Variants in UTP6 observed in about 807,000 individuals in gnomAD.
UTP6 encodes the protein U3 small nucleolar RNA-associated protein 6 homolog.
In UTP6, 60 loss-of-function variants were observed where a neutral mutation model predicts 96.5. That is an observed-to-expected ratio of 0.62 (90% CI 0.51 to 0.77). The LOEUF is 0.77. UTP6 is among the 30% of genes least tolerant of loss of function. The pLI, the probability that UTP6 is intolerant of heterozygous loss-of-function variation, is 0.00. For synonymous variants in UTP6, 215 were observed against 240.1 expected (o/e 0.90, Z 0.96); for missense variants, 637 against 706.5 (o/e 0.90, Z 1.12).
At chr17:31,897,473 GT>G (rs1904723130) in intron 2 of UTP6, among the ~76,000 whole-genome samples, 1 of 131,556 alleles carries the variant, frequency 7.6e-6, no homozygotes, top group Non-Finnish European at 1.6e-5. Context: ...TTGAGATGGA[GT>G]TTCGCTCTTG....
chr17:31,869,792 G>C (rs557087194), intron 16 of UTP6, among the ~76,000 whole-genome samples: 1 of 152,302 alleles, frequency 6.6e-6, no homozygotes, highest in South Asian at 2.1e-4. Flanking sequence ...CACAGTAATC[G>C]ATAGGTAGCT....
intron 2 of UTP6, among the ~76,000 whole-genome samples, chr17:31,895,973 T>C (rs1598120179): frequency 6.7e-6 from 1 of 148,720 alleles, no homozygotes; most frequent in African/African-American, 2.5e-5. Flanking sequence ...ATCATGTCAC[T>C]GCACTCCAGC....
chr17:31,901,491 C>T (rs775312749), intron 1 of UTP6, 45 bp downstream of exon 1: 2 of 1,597,010 alleles, frequency 1.3e-6, no homozygotes, highest in Non-Finnish European at 1.7e-6. Context: ...TCCCAACCTC[C>T]CCTCAGGCCG....
intron 14 of UTP6, among the ~76,000 whole-genome samples, chr17:31,874,747 C>A (rs1016097693): frequency 1.3e-5 from 2 of 152,028 alleles, no homozygotes; most frequent in Non-Finnish European, 2.9e-5. Flanking sequence ...GCCTGGCCAA[C>A]ATGGAGATAT....
In UTP6 at chr17:31,899,661, A is replaced by G. The variant is rs535101116; in HGVS notation, c.162T>C (p.Phe54=). The change falls in exon 2 of 19, where the codon TTT becomes TTC. Residue 54 remains phenylalanine (F), a synonymous_variant. Coordinates refer to ENST00000261708, the MANE Select transcript of UTP6 (RefSeq NM_018428.3). ...ACACACTTACTTGAACATAATTGAT[A>G]AAGTCTTCCTTGAAAAGGGTTCTTC... The part of the protein sequence containing the change: ...IQRRTLFKED[F]INYVQYEINL... The G allele has an allele frequency of 1.2e-6, 2 of 1,601,796 alleles. No individual in the cohort carries two copies. The highest frequency in any genetic ancestry group is 1.7e-6 in the Non-Finnish European group (2 of 1,175,418).
At chr17:31,873,568 G>C (rs1910315571) in intron 15 of UTP6, 81 bp from the exon 16 acceptor site, 3 of 1,602,908 alleles carry the variant, frequency 1.9e-6, no homozygotes, top group Non-Finnish European at 2.6e-6. Context: ...AACCACCTGA[G>C]GCCACTCCAT....
At chr17:31,887,404 C>T in intron 7 of UTP6, 91 bp from the exon 8 acceptor site, 1 of 1,012,384 alleles carries the variant, frequency 9.9e-7, no homozygotes, top group Non-Finnish European at 1.5e-6. Context: ...AGCTGGAGTG[C>T]ACTGGTGATG....
At chr17:31,885,888 T>C in intron 9 of UTP6, 92 bp downstream of exon 9, 1 of 1,133,040 alleles carries the variant, frequency 8.8e-7, no homozygotes, top group South Asian at 1.4e-5. Context: ...TTATACACAT[T>C]CTAATGGAAA....
Position 31,895,010 on chromosome 17 carries a change from T to C in UTP6, c.179A>G (p.Tyr60Cys), listed in dbSNP as rs1904551316. The change falls in exon 3 of 19, where the codon TAT becomes TGT. Residue 60 changes from tyrosine (Y) to cysteine (C), a missense_variant and splice_region_variant. Transcript: ENST00000261708. Reference protein sequence around the residue: ...FKEDFINYVQYEINLLELIQR... With the variant: ...FKEDFINYVQCEINLLELIQR... ...GATCAGCTCCAAAAGATTAATTTCA[T>C]ACTATGAAAGAAAAACATACAAAAA... The C allele has an allele frequency of 6.6e-7, 1 of 1,526,108 alleles. No individual in the cohort carries two copies. The highest frequency in any genetic ancestry group is 8.8e-7 in the Non-Finnish European group (1 of 1,131,026). The allele number at this position is 1,526,108 out of a possible 1,614,324, so 94.5% of individuals were successfully genotyped here.
rs1409882214 is a variant in UTP6, at chr17:31,863,022, A to G, written c.*337T>C. 9.7e-6 allele frequency: 2 copies of G among 206,410 alleles called. No homozygotes were observed. Among genetic ancestry groups the G allele is most frequent in the African/African-American group, 4.6e-5 (2 of 43,346 alleles). 12.8% of individuals were successfully genotyped at this position (206,410 alleles called of 1,614,324 possible). A position where few individuals can be genotyped will look rare whatever the true frequency, so the allele number is the denominator to read the frequency against. ...GTGGAAGATCGGGCCTCAACATTAA[A>G]TCAGCAATTCTCTTTACTGGAATCA... On this transcript the variant is annotated 3_prime_UTR_variant, in exon 19 of 19. Transcript: ENST00000261708.
intron 2 of UTP6, among the ~76,000 whole-genome samples, chr17:31,899,019 A>G (rs1428962870): frequency 6.6e-6 from 1 of 152,012 alleles, no homozygotes; most frequent in Non-Finnish European, 1.5e-5. Context: ...GTGACAGAGC[A>G]AGACTCTTGT....
chr17:31,869,484 ATTT>A (rs892903589), intron 16 of UTP6, among the ~76,000 whole-genome samples: 1 of 139,108 alleles, frequency 7.2e-6, no homozygotes, highest in Non-Finnish European at 1.6e-5. Context: ...TGGCCTCTTT[ATTT>A]TTTTTTTTAT....
chr17:31,892,099 G>A, intron 6 of UTP6, 161 bp downstream of exon 6: 1 of 659,780 alleles, frequency 1.5e-6, no homozygotes, highest in Non-Finnish European at 2.6e-6. Flanking sequence ...GTAGGCAGGG[G>A]TGAACTATGA....
At chr17:31,874,504 C>T (rs1340492941) in intron 14 of UTP6, among the ~76,000 whole-genome samples, 2 of 152,000 alleles carry the variant, frequency 1.3e-5, no homozygotes, top group African/African-American at 4.8e-5. Flanking sequence ...CAAGTTTGCA[C>T]CACTGCACTC....
intron 6 of UTP6, among the ~76,000 whole-genome samples, chr17:31,889,782 G>A (rs1476515257): frequency 6.6e-6 from 1 of 151,988 alleles, no homozygotes; most frequent in Non-Finnish European, 1.5e-5. Context: ...ACAGGCATGA[G>A]CCACTGCGCC....
At chr17:31,900,593 A>G (rs1904920430) in intron 1 of UTP6, among the ~76,000 whole-genome samples, 3 of 152,320 alleles carry the variant, frequency 2.0e-5, no homozygotes, top group South Asian at 4.1e-4. Context: ...CCTGGCTGGT[A>G]TTAATAAAGA....
At chr17:31,899,325 G>A (rs1904833368) in intron 2 of UTP6, among the ~76,000 whole-genome samples, 1 of 152,130 alleles carries the variant, frequency 6.6e-6, no homozygotes, top group African/African-American at 2.4e-5. Context: ...ATTAATTATT[G>A]GCCGGGCACT....
intron 3 of UTP6, 85 bp from the exon 4 acceptor site, chr17:31,894,822 G>C (rs2142323494): frequency 1.5e-6 from 2 of 1,328,988 alleles, no homozygotes; most frequent in Middle Eastern, 3.6e-4. Context: ...TAATGGTACT[G>C]ATGAAGCAAA....
chr17:31,894,285 GAAA>G (rs375515944), intron 4 of UTP6, among the ~76,000 whole-genome samples: 51 of 125,480 alleles, frequency 4.1e-4, no homozygotes, highest in African/African-American at 1.5e-3. Flanking sequence ...AAAAAAAAAA[GAAA>G]AAAAAAAAAA....
Sources: allele counts gnomAD v4.1 joint callset (sites outside exome capture counted in the v4.1 genomes callset), GRCh38; gene constraint gnomAD v4.1.1; transcripts MANE v1.5; gene names NCBI Gene and HGNC (gene_info 2026-07-23, HGNC 2026-07-21).